The following PHB2 variants were observed in gnomAD, a reference collection of about 807,000 sequenced individuals.
PHB2 encodes the protein prohibitin-2.
A neutral mutation model predicts 46.4 loss-of-function variants in PHB2; 22 were observed. The observed-to-expected ratio is 0.47, with a 90% CI of 0.34 to 0.68. The LOEUF (loss-of-function observed/expected upper bound fraction) is 0.68. Ranked by LOEUF, PHB2 falls within the 30% of genes least tolerant of loss-of-function variation. The pLI, the probability that PHB2 is intolerant of heterozygous loss-of-function variation, is 0.01. For synonymous variants in PHB2, 156 were observed against 150.5 expected, an observed-to-expected ratio of 1.04 and a Z score of -0.27; for missense variants, 305 against 382.8, an observed-to-expected ratio of 0.80 and a Z score of 1.70.
chr12:6,967,941 C>G lies in PHB2; in HGVS notation c.558G>C (p.Glu186Asp), dbSNP rs1946243922. Residue 186 changes from glutamate to aspartate, a missense_variant, in exon 5 of 10, where the codon GAG becomes GAC. Physicochemically the swap from Glu to Asp is conservative, Grantham distance 45 (BLOSUM62 2). Coordinates refer to ENST00000535923, the MANE Select transcript of PHB2 (RefSeq NM_001144831.2). This position sits in a 1 kb window ranked among gnomAD's most constrained non-coding sequence, Gnocchi z 4.9. ...CTGTGTACTCTCGGCTAAAGCTCAG[C>G]TCTGTGATGGCCACATCATCCAGGA... ...SLILDDVAIT[E>D]LSFSREYTAA... 6.2e-7 allele frequency: 1 copy of G among 1,613,914 alleles called. No individual in the cohort carries two copies. Among genetic ancestry groups the G allele is most frequent in the Non-Finnish European group, 8.5e-7 (1 of 1,179,810 alleles).
In PHB2 at chr12:6,967,652, G is replaced by A; in HGVS notation, c.711+24C>T. The stretch of plus-strand genomic sequence containing the variant: ...ACTCAGGTGCCCTAGGGGCTGGGCT[G>A]AGATCTCTCCAGCAGAAGGATATCA... On this transcript the variant is annotated intron_variant, in intron 6 of 9. Coordinates refer to ENST00000535923, the MANE Select transcript of PHB2 (RefSeq NM_001144831.2). This position sits in a 1 kb window ranked among gnomAD's most constrained non-coding sequence, Gnocchi z 4.9. 1 of 1,586,126 alleles carries A rather than the reference G, an allele frequency of 6.3e-7. No individual in the cohort carries two copies. The highest frequency in any genetic ancestry group is 8.7e-7 in the Non-Finnish European group (1 of 1,155,160).
At chr12:6,970,017 C>T (rs2138310204) in intron 2 of PHB2, 179 bp downstream of exon 2, 1 of 705,656 alleles carries the variant, frequency 1.4e-6, no homozygotes, top group Non-Finnish European at 2.6e-6. Context: ...TCTTGTCCCT[C>T]TGGAAAACAA....
chr12:6,970,091 T>G (rs782038315), intron 2 of PHB2, 105 bp downstream of exon 2: 2 of 865,654 alleles, frequency 2.3e-6, no homozygotes, highest in Non-Finnish European at 2.0e-6. Flanking sequence ...ATGAGGAGGG[T>G]GGGAAAAGAG....
chr12:6,967,383 G>T lies in PHB2; in HGVS notation c.712-135C>A, dbSNP rs112269622. On this transcript the variant is annotated intron_variant, in intron 6 of 9. Transcript: ENST00000535923. The surrounding 1 kb of genome is among the most constrained non-coding windows in gnomAD (Gnocchi z 4.9). ...CAGGTGGCTTGTGCCCAGCCCTACC[G>T]TGGACCCCACCTGTGGGCCTCCCTG... 2.1e-3 allele frequency: 3,325 copies of T among 1,603,880 alleles called. 86 individuals are homozygous for T. The East Asian group carries it at 0.037, about 18-fold the overall frequency.
Position 6,967,440 on chromosome 12 carries a change from A to G in PHB2, c.712-192T>C. On this transcript the variant is annotated intron_variant, in intron 6 of 9. Transcript: ENST00000535923. The surrounding 1 kb of genome is among the most constrained non-coding windows in gnomAD (Gnocchi z 4.9). Reference sequence around the variant, plus strand: ...GCTGCCAGGAACTAGGGGCAGCACCAGAAATGAAGGCAAGGCCACCAATGC... The same window carrying G: ...GCTGCCAGGAACTAGGGGCAGCACCGGAAATGAAGGCAAGGCCACCAATGC... The G allele has an allele frequency of 7.7e-7, 1 of 1,296,138 alleles. No homozygotes were observed. Among genetic ancestry groups the G allele is most frequent in the Non-Finnish European group, 1.1e-6 (1 of 899,754 alleles). 80.3% of individuals were successfully genotyped at this position (1,296,138 alleles called of 1,614,324 possible). A position where few individuals can be genotyped will look rare whatever the true frequency, so the allele number is the denominator to read the frequency against.
At chr12:6,965,950 AGAG>A (rs1946205449) in intron 8 of PHB2, 34 bp from the exon 9 acceptor site, 1 of 1,596,858 alleles carries the variant, frequency 6.3e-7, no homozygotes, top group Non-Finnish European at 8.5e-7. Context: ...AACAAGAAAC[AGAG>A]AAGAGAAATG....
chr12:6,965,517 G>C lies in PHB2; in HGVS notation c.*168C>G. On this transcript the variant is annotated 3_prime_UTR_variant, in exon 10 of 10. Coordinates refer to ENST00000535923, the MANE Select transcript of PHB2 (RefSeq NM_001144831.2). Reference sequence around the variant, plus strand: ...GAGGAAAGTAATTCCCCAGAAAAGGGGCTAGTCTTCAGTCTTCCTTAATCC... The same window carrying C: ...GAGGAAAGTAATTCCCCAGAAAAGGCGCTAGTCTTCAGTCTTCCTTAATCC... 1 of 669,304 alleles carries C rather than the reference G, an allele frequency of 1.5e-6. No homozygotes were observed. Among genetic ancestry groups the C allele is most frequent in the South Asian group, 1.6e-5 (1 of 63,196 alleles). The allele number at this position is 669,304 out of a possible 1,614,324, so 41.5% of individuals were successfully genotyped here. A position where few individuals can be genotyped will look rare whatever the true frequency, so the allele number is the denominator to read the frequency against.
rs1946238608 is a variant in PHB2 at position 6,967,648 on chromosome 12, G to A, written c.711+28C>T. 2 of 1,567,212 alleles carry A rather than the reference G, an allele frequency of 1.3e-6. No individual in the cohort carries two copies. The highest frequency in any genetic ancestry group is 8.8e-7 in the Non-Finnish European group (1 of 1,137,994). Reference sequence around the variant, plus strand: ...GGGAACTCAGGTGCCCTAGGGGCTGGGCTGAGATCTCTCCAGCAGAAGGAT... The same window carrying A: ...GGGAACTCAGGTGCCCTAGGGGCTGAGCTGAGATCTCTCCAGCAGAAGGAT... On this transcript the variant is annotated intron_variant, in intron 6 of 9. Coordinates refer to ENST00000535923, the MANE Select transcript of PHB2 (RefSeq NM_001144831.2). This position sits in a 1 kb window ranked among gnomAD's most constrained non-coding sequence, Gnocchi z 4.9.
chr12:6,967,824 C>A lies in PHB2; in HGVS notation c.608-45G>T. 1 of 1,608,532 alleles carries A rather than the reference C, an allele frequency of 6.2e-7. No individual in the cohort carries two copies. Among genetic ancestry groups the A allele is most frequent in the Non-Finnish European group, 8.5e-7 (1 of 1,175,996 alleles). ...GGGAGACCCTGTCCTGGGTCAGGAG[C>A]CCCACCCATGGAGTCTTTCCTCCTC... On this transcript the variant is annotated intron_variant, in intron 5 of 9. Coordinates refer to ENST00000535923, the MANE Select transcript of PHB2 (RefSeq NM_001144831.2). The surrounding 1 kb of genome is among the most constrained non-coding windows in gnomAD (Gnocchi z 4.9).
chr12:6,969,666 G>A (rs1350090238), intron 2 of PHB2, 89 bp from the exon 3 acceptor site: 2 of 699,070 alleles, frequency 2.9e-6, no homozygotes, highest in East Asian at 2.6e-5. Context: ...TTGGGAGGCC[G>A]AGGCGGGCGG....
In PHB2 at chr12:6,968,039, G is replaced by C; in HGVS notation, c.478-18C>G. On this transcript the variant is annotated intron_variant, in intron 4 of 9. Transcript: ENST00000535923. The stretch of plus-strand genomic sequence containing the variant: ...AGGGATACCTGAGGGCAGGGGTGAA[G>C]AGGGGAAGGGAGGGGTGGTTTGAGG... 1 of 1,576,612 alleles carries C rather than the reference G, an allele frequency of 6.3e-7. No homozygotes were observed. The highest frequency in any genetic ancestry group is 8.6e-7 in the Non-Finnish European group (1 of 1,156,986).
chr12:6,970,634 C>T lies in PHB2; in HGVS notation c.-91G>A. On this transcript the variant is annotated 5_prime_UTR_variant, in exon 1 of 10. The change creates a new upstream start codon in the 5' untranslated region. Coordinates refer to ENST00000535923, the MANE Select transcript of PHB2 (RefSeq NM_001144831.2). The stretch of plus-strand genomic sequence containing the variant: ...CGGCTTAGGTACTGCACCCTTCACA[C>T]GAGGGTTCGGGCCCGTAAGGCTGGC... The T allele has an allele frequency of 7.0e-7, 1 of 1,420,874 alleles. No individual in the cohort carries two copies. Among genetic ancestry groups the T allele is most frequent in the South Asian group, 1.4e-5 (1 of 73,954 alleles). 88.0% of individuals were successfully genotyped at this position (1,420,874 alleles called of 1,614,324 possible).
intron 8 of PHB2, 46 bp downstream of exon 8, chr12:6,966,378 G>A (rs377601347): frequency 2.2e-5 from 26 of 1,180,754 alleles, no homozygotes; most frequent in Non-Finnish European, 2.7e-5. Context: ...CCAGACTCAG[G>A]TCCCACGTTC....
Position 6,967,205 on chromosome 12 carries a change from C to T in PHB2, c.755G>A (p.Arg252His), listed in dbSNP as rs1646302534. ...GATATTCTGGGCTGCTCGAATCTTG[C>T]GAAGTTTGATGTAGCCAGGGTTCTT... ...LSKNPGYIKLRKIRAAQNISK... is the reference protein window; with the variant it reads ...LSKNPGYIKLHKIRAAQNISK... Residue 252 changes from arginine (R) to histidine (H), a missense_variant, in exon 7 of 10, where the codon CGC (arginine) becomes CAC (histidine). By Grantham distance (29) the Arg-to-His change is conservative (BLOSUM62 0). Transcript: ENST00000535923. This position sits in a 1 kb window ranked among gnomAD's most constrained non-coding sequence, Gnocchi z 4.9. 1.2e-6 allele frequency: 2 copies of T among 1,604,278 alleles called. No individual in the cohort carries two copies.
intron 2 of PHB2, 49 bp downstream of exon 2, chr12:6,970,147 C>T (rs906859788): frequency 7.4e-7 from 1 of 1,357,814 alleles, no homozygotes; most frequent in Non-Finnish European, 1.1e-6. Context: ...ACTGCTGGGT[C>T]GGCGTCAAGG....
At position 6,970,589 on chromosome 12, in the gene PHB2, G is replaced by A. The variant is rs782768325; in HGVS notation, c.-46C>T. ...GCACTGGAGGTCAGAAGGGGGTGCC[G>A]GCCCGCCTCTACCCCGCTCCGGCTT... is the stretch of plus-strand genomic sequence containing the variant. On this transcript the variant is annotated 5_prime_UTR_variant, in exon 1 of 10. Coordinates refer to ENST00000535923, the MANE Select transcript of PHB2 (RefSeq NM_001144831.2). 2.0e-6 allele frequency: 3 copies of A among 1,519,178 alleles called. No individual in the cohort carries two copies. The highest frequency in any genetic ancestry group is 2.6e-6 in the Non-Finnish European group (3 of 1,140,548). The allele number at this position is 1,519,178 out of a possible 1,614,324, so 94.1% of individuals were successfully genotyped here.
intron 4 of PHB2, 74 bp downstream of exon 4, chr12:6,968,337 C>G: frequency 9.0e-7 from 1 of 1,115,562 alleles, no homozygotes; most frequent in Non-Finnish European, 1.3e-6. Flanking sequence ...TAATAAGCTG[C>G]CTTTCCTAAT....
Position 6,967,441 on chromosome 12 carries a change from G to A in PHB2, c.712-193C>T, listed in dbSNP as rs782747596. 7 of 1,280,494 alleles carry A rather than the reference G, an allele frequency of 5.5e-6. No individual in the cohort carries two copies. In the Admixed American group the frequency reaches 6.7e-5, roughly 12 times the overall value. 79.3% of individuals were successfully genotyped at this position (1,280,494 alleles called of 1,614,324 possible). On this transcript the variant is annotated intron_variant, in intron 6 of 9. Transcript: ENST00000535923. This position sits in a 1 kb window ranked among gnomAD's most constrained non-coding sequence, Gnocchi z 4.9. ...CTGCCAGGAACTAGGGGCAGCACCA[G>A]AAATGAAGGCAAGGCCACCAATGCT...
At chr12:6,965,758 A>G (rs1555150682) in intron 9 of PHB2, 46 bp from the exon 10 acceptor site, 13 of 1,579,302 alleles carry the variant, frequency 8.2e-6, no homozygotes, top group Non-Finnish European at 1.0e-5. Flanking sequence ...GGGGACATAA[A>G]TGTGAGAGGC....
Sources: gnomAD v4.1 joint callset for allele counts on GRCh38, gnomAD v4.1.1 for gene constraint, Gnocchi (gnomAD v3.1) non-coding constraint, MANE v1.5 for transcripts, NCBI Gene and HGNC (gene_info 2026-07-23, HGNC 2026-07-21) for gene names.